Variants in CAMSAP1 observed in about 807,000 individuals in gnomAD.
CAMSAP1 encodes calmodulin regulated spectrin associated protein 1, also known as calmodulin-regulated spectrin-associated protein 1.
In CAMSAP1, 58 loss-of-function variants were observed where a neutral mutation model predicts 143.5. The observed-to-expected ratio is 0.40, with a 90% confidence interval of 0.33 to 0.50. CAMSAP1 has a LOEUF of 0.50. Among genes scored for constraint, CAMSAP1 ranks in the 20% least tolerant of loss-of-function variants. CAMSAP1 has a pLI of 0.45. For missense variants in CAMSAP1, 1,969 were observed against 2,115.7 expected, an observed-to-expected ratio of 0.93 and a Z score of 1.36; for synonymous variants, 945 against 859.3, an observed-to-expected ratio of 1.10 and a Z score of -1.74.
intron 14 of CAMSAP1, 50 bp downstream of exon 14, chr9:135,817,927 C>T (rs370969983): frequency 2.3e-4 from 343 of 1,494,096 alleles, no homozygotes; most frequent in Non-Finnish European, 2.8e-4. Context: ...CCACCCTGCC[C>T]CTCCGAACGT....
rs1323190684 is a variant in CAMSAP1, at chr9:135,850,147, C to G, written c.1035G>C (p.Glu345Asp). 1.2e-6 allele frequency: 2 copies of G among 1,608,958 alleles called. No homozygotes were observed. The highest frequency in any genetic ancestry group is 1.7e-6 in the Non-Finnish European group (2 of 1,177,872). ...PDFVQPRDVQELKDAKTVLHQ... is the reference protein window; with the variant it reads ...PDFVQPRDVQDLKDAKTVLHQ... ...ATATCTGTCACTCACCGTCTTTCAG[C>G]TCCTGAACATCCCTGGGCTGAACAA... The change falls in exon 7 of 17, where the codon GAG becomes GAC. Residue 345 changes from glutamate (E) to aspartate (D), a missense_variant. Glu to Asp is a conservative substitution (Grantham distance 45). Coordinates refer to ENST00000389532, the MANE Select transcript of CAMSAP1 (RefSeq NM_015447.4).
intron 3 of CAMSAP1, among the ~76,000 whole-genome samples, chr9:135,871,242 G>A (rs1408334795): frequency 6.6e-6 from 1 of 152,180 alleles, no homozygotes; most frequent in African/African-American, 2.4e-5. Flanking sequence ...AGGCTGAAGT[G>A]CAGTGGCATA....
chr9:135,845,302 C>T (rs190432345), intron 7 of CAMSAP1, among the ~76,000 whole-genome samples: 205 of 152,162 alleles, frequency 1.3e-3, no homozygotes, highest in African/African-American at 4.5e-3. Flanking sequence ...AAAAGGCCTT[C>T]GATAAAATTC....
intron 3 of CAMSAP1, among the ~76,000 whole-genome samples, chr9:135,874,697 A>T (rs557836147): frequency 6.6e-6 from 1 of 152,350 alleles, no homozygotes; most frequent in East Asian, 1.9e-4. Context: ...TATAATTAAA[A>T]AAGAGCATAC....
Position 135,824,706 on chromosome 9 carries a change from A to C in CAMSAP1, c.1315+83T>G. The C allele has an allele frequency of 9.5e-7, 1 of 1,051,074 alleles. No homozygotes were observed. The highest frequency in any genetic ancestry group is 1.4e-6 in the Non-Finnish European group (1 of 734,754). 65.1% of individuals were successfully genotyped at this position (1,051,074 alleles called of 1,614,324 possible). A position where few individuals can be genotyped will look rare whatever the true frequency, so the allele number is the denominator to read the frequency against. ...ACAAAAAAATCACTACATCAGATAA[A>C]ATGATTTAATTTTGAGAAATATGAT... On this transcript the variant is annotated intron_variant, in intron 9 of 16. Transcript: ENST00000389532. The surrounding 1 kb of genome is among the most constrained non-coding windows in gnomAD (Gnocchi z 4.1).
chr9:135,814,817 G>A (rs1403213572), intron 16 of CAMSAP1, among the ~76,000 whole-genome samples: 1 of 152,152 alleles, frequency 6.6e-6, no homozygotes, highest in Non-Finnish European at 1.5e-5. Flanking sequence ...TCACTGAGTA[G>A]AACTATGTCT....
Position 135,821,838 on chromosome 9 carries a change from C to T in CAMSAP1, c.2823G>A (p.Gln941=). The T allele has an allele frequency of 6.2e-7, 1 of 1,614,046 alleles. No homozygotes were observed. The highest frequency in any genetic ancestry group is 2.2e-5 in the East Asian group (1 of 44,876). ...RPEHFAKEYS[Q]HNGEDCGDAV... ...CGTCCCCACAGTCCTCCCCGTTGTG[C>T]TGAGAGTACTCCTTTGCAAAGTGCT... Residue 941 remains glutamine, a synonymous_variant, in exon 11 of 17, where the codon CAG becomes CAA. Transcript: ENST00000389532. This position sits in a 1 kb window ranked among gnomAD's most constrained non-coding sequence, Gnocchi z 4.6.
In CAMSAP1 at chr9:135,822,993, G is replaced by A. The variant is rs34237223; in HGVS notation, c.1668C>T (p.Asp556=). 4.9e-3 allele frequency: 7,951 copies of A among 1,614,004 alleles called. 118 individuals carry two copies. Among genetic ancestry groups the A allele is most frequent in the Admixed American group, 0.044 (2,664 of 60,020 alleles). ...VRADVVPQQA[D]PEFPRASPRA... ...GGGGTGAGGCCCTGGGGAACTCCGG[G>A]TCAGCCTGCTGGGGAACCACGTCTG... Residue 556 remains aspartate (D), a synonymous_variant, in exon 11 of 17, where the codon GAC becomes GAT. Coordinates refer to ENST00000389532, the MANE Select transcript of CAMSAP1 (RefSeq NM_015447.4). This position sits in a 1 kb window ranked among gnomAD's most constrained non-coding sequence, Gnocchi z 6.1.
rs374247681 is a variant in CAMSAP1 at position 135,902,210 on chromosome 9, T to C, written c.160+4790A>G. ...ATTTGAAGATGCTCTGTAACCCCCATGTCAGAAACACCCAAATCCCTTGTC... is the reference window on the plus strand; with the variant it reads ...ATTTGAAGATGCTCTGTAACCCCCACGTCAGAAACACCCAAATCCCTTGTC... On this transcript the variant is annotated intron_variant, in intron 1 of 16. Coordinates refer to ENST00000389532, the MANE Select transcript of CAMSAP1 (RefSeq NM_015447.4). Among the ~76,000 whole-genome samples the C allele has an allele frequency of 2.0e-5, 3 of 152,198 alleles. No homozygotes were observed. In the South Asian group the frequency reaches 6.2e-4, roughly 32 times the overall value.
chr9:135,852,713 T>C (rs1051118967), intron 5 of CAMSAP1, among the ~76,000 whole-genome samples: 13 of 152,224 alleles, frequency 8.5e-5, no homozygotes, highest in African/African-American at 3.1e-4. Context: ...TTTTTGGTAA[T>C]GCAAAGTTAA....
Position 135,821,646 on chromosome 9 carries a change from G to A in CAMSAP1, c.3015C>T (p.Ala1005=), listed in dbSNP as rs1016174242. The change falls in exon 11 of 17, where the codon GCC becomes GCT. Residue 1005 remains alanine, a synonymous_variant. Transcript: ENST00000389532. The surrounding 1 kb of genome is among the most constrained non-coding windows in gnomAD (Gnocchi z 4.6). ...CCTCCCCAACAGTGTCCTCCAGGAG[G>A]GCAGCGGAGATCACCTTATTTCTCT... is the stretch of plus-strand genomic sequence containing the variant. ...ELERNKVISA[A]LLEDTVGEVV... The A allele has an allele frequency of 1.9e-5, 30 of 1,613,882 alleles. No individual in the cohort carries two copies. The highest frequency in any genetic ancestry group is 2.5e-5 in the Non-Finnish European group (30 of 1,179,906).
chr9:135,858,938 T>C lies in CAMSAP1; in HGVS notation c.808+3529A>G, dbSNP rs774008973. Among the ~76,000 whole-genome samples, 9 of 152,302 alleles carry C rather than the reference T, an allele frequency of 5.9e-5. 1 individual carries two copies. Among genetic ancestry groups the C allele is most frequent in the East Asian group, 5.8e-4 (3 of 5,184 alleles). On this transcript the variant is annotated intron_variant, in intron 5 of 16. Transcript: ENST00000389532. ...GGAGAGTCCCCCTCTTCTGCCCACA[T>C]TGAAGGCAGGTCTTCCCTTCTCAAG...
Position 135,822,287 on chromosome 9 carries a change from A to G in CAMSAP1, c.2374T>C (p.Ser792Pro). 6.2e-7 allele frequency: 1 copy of G among 1,613,984 alleles called. No homozygotes were observed. The highest frequency in any genetic ancestry group is 8.5e-7 in the Non-Finnish European group (1 of 1,179,898). The change falls in exon 11 of 17, where the codon TCG becomes CCG. Residue 792 changes from serine to proline, a missense_variant. Ser to Pro is a moderately conservative substitution (Grantham distance 74). Transcript: ENST00000389532. This position sits in a 1 kb window ranked among gnomAD's most constrained non-coding sequence, Gnocchi z 6.1. Reference protein sequence around the residue: ...HEDKDDASGRSSPCLSTASQM... With the variant: ...HEDKDDASGRPSPCLSTASQM... ...GAGGCTGTGCTCAGGCAGGGGCTCG[A>G]GCGGCCGCTGGCGTCATCTTTGTCT... is the stretch of plus-strand genomic sequence containing the variant.
Position 135,850,348 on chromosome 9 carries a change from T to C in CAMSAP1, c.922A>G (p.Met308Val). Residue 308 changes from methionine to valine, a missense_variant, in exon 6 of 17, where the codon ATG becomes GTG. Physicochemically the swap from Met to Val is conservative, Grantham distance 21. Transcript: ENST00000389532. ...TTCAACACTAATGGCGCATACAGCA[T>C]ATCTTCCAAGGTGAGATAAAAACAT... is the stretch of plus-strand genomic sequence containing the variant. ...NKCFYLTLED[M>V]LYAPLVLKPN... The C allele has an allele frequency of 6.2e-7, 1 of 1,610,824 alleles. No homozygotes were observed. The highest frequency in any genetic ancestry group is 1.1e-5 in the South Asian group (1 of 90,184).
chr9:135,809,255 G>C lies in CAMSAP1; in HGVS notation c.*2054C>G, dbSNP rs1564409453. 6.6e-6 allele frequency: 1 copy of C among 152,190 alleles called. No homozygotes were observed. Among genetic ancestry groups the C allele is most frequent in the African/African-American group, 2.4e-5 (1 of 41,444 alleles). The allele number at this position is 152,190 out of a possible 1,614,324, so 9.4% of individuals were successfully genotyped here. On this transcript the variant is annotated 3_prime_UTR_variant, in exon 17 of 17. Coordinates refer to ENST00000389532, the MANE Select transcript of CAMSAP1 (RefSeq NM_015447.4). Reference sequence around the variant, plus strand: ...ATCATTAGGCGAACACTGGCCTGGGGACTTGGGACATCAGGAATGTCCATG... The same window carrying C: ...ATCATTAGGCGAACACTGGCCTGGGCACTTGGGACATCAGGAATGTCCATG...
At chr9:135,860,041 C>CA (rs757256066) in intron 5 of CAMSAP1, among the ~76,000 whole-genome samples, 12,462 of 120,078 alleles carry the variant, frequency 0.1, 632 homozygotes, top group Middle Eastern at 0.15. Context: ...CCTATCTCCA[C>CA]AAAAAAAAAA....
chr9:135,887,183 G>A (rs1225707532), intron 1 of CAMSAP1, among the ~76,000 whole-genome samples: 2 of 152,226 alleles, frequency 1.3e-5, no homozygotes, highest in Non-Finnish European at 2.9e-5. Flanking sequence ...AAGCCCACGG[G>A]ACAGATGTCG....
intron 5 of CAMSAP1, among the ~76,000 whole-genome samples, chr9:135,858,290 T>C (rs1471731608): frequency 2.0e-5 from 3 of 152,126 alleles, no homozygotes; most frequent in Admixed American, 2.0e-4. Flanking sequence ...CTAACAGAAA[T>C]GGATAGAAAA....
At chr9:135,903,036 G>A (rs1838665011) in intron 1 of CAMSAP1, among the ~76,000 whole-genome samples, 1 of 152,184 alleles carries the variant, frequency 6.6e-6, no homozygotes, top group Non-Finnish European at 1.5e-5. Flanking sequence ...TTGTCCTTGA[G>A]AGATAATAAA....
Sources: allele counts gnomAD v4.1 joint callset (sites outside exome capture counted in the v4.1 genomes callset), GRCh38; gene constraint gnomAD v4.1.1; non-coding constraint Gnocchi (gnomAD v3.1); transcripts MANE v1.5; gene names NCBI Gene and HGNC (gene_info 2026-07-23, HGNC 2026-07-21).